The following CNTNAP1 variants were observed in gnomAD, a reference collection of about 807,000 sequenced individuals.
CNTNAP1 encodes the protein contactin associated protein 1, also known as contactin-associated protein 1.
Under a neutral mutation model 161.5 loss-of-function variants are expected in CNTNAP1, and 80 were observed. That is an observed-to-expected ratio of 0.50 (90% CI 0.41 to 0.60). CNTNAP1 has a LOEUF of 0.60. CNTNAP1 is among the 20% of genes least tolerant of loss of function. CNTNAP1 has a pLI of 0.00. For missense variants in CNTNAP1, 1,464 were observed against 1,854.8 expected (o/e 0.79, Z 3.87); for synonymous variants, 695 against 733.1 (o/e 0.95, Z 0.84).
In CNTNAP1 at chr17:42,685,177, G is replaced by A. The variant is rs1468462657; in HGVS notation, c.511+39G>A. On this transcript the variant is annotated intron_variant, in intron 4 of 23. Transcript: ENST00000264638. This position sits in a 1 kb window ranked among gnomAD's most constrained non-coding sequence, Gnocchi z 5.0. ...GAGCGCGGAGGGGGCCTGGGAGACA[G>A]CCTCCCCAGTTCCCGGCCCACCTAC... 6.2e-7 allele frequency: 1 copy of A among 1,610,344 alleles called. No individual in the cohort carries two copies. Among genetic ancestry groups the A allele is most frequent in the Non-Finnish European group, 8.5e-7 (1 of 1,178,012 alleles).
In CNTNAP1 at chr17:42,685,525, C is replaced by A. The variant is rs1597804331; in HGVS notation, c.715+105C>A. On this transcript the variant is annotated intron_variant, in intron 5 of 23. Coordinates refer to ENST00000264638, the MANE Select transcript of CNTNAP1 (RefSeq NM_003632.3). This position sits in a 1 kb window ranked among gnomAD's most constrained non-coding sequence, Gnocchi z 5.0. ...CATCCGCGCTCAGCCTGGTCTTCCACTTCTCTAAGGCCTGGACCAAACTGC... is the reference window on the plus strand; with the variant it reads ...CATCCGCGCTCAGCCTGGTCTTCCAATTCTCTAAGGCCTGGACCAAACTGC... The A allele has an allele frequency of 3.6e-6, 4 of 1,123,630 alleles. No homozygotes were observed. The highest frequency in any genetic ancestry group is 3.8e-6 in the Non-Finnish European group (3 of 790,646). 69.6% of individuals were successfully genotyped at this position (1,123,630 alleles called of 1,614,324 possible).
chr17:42,686,111 A>G lies in CNTNAP1; in HGVS notation c.870A>G (p.Gly290=). 6.2e-7 allele frequency: 1 copy of G among 1,614,152 alleles called. No individual in the cohort carries two copies. Among genetic ancestry groups the G allele is most frequent in the Non-Finnish European group, 8.5e-7 (1 of 1,180,036 alleles). ...ATGTGCAGCGCTTTATTCTCAATGG[A>G]GACTTCGAGAGGCTGAACCTGGACA... The part of the protein sequence containing the change: ...DGYVQRFILN[G]DFERLNLDTE... The change falls in exon 6 of 24, where the codon GGA becomes GGG. Residue 290 remains glycine (G), a synonymous_variant. Transcript: ENST00000264638.
At chr17:42,690,546 T>C (rs1413780524) in intron 12 of CNTNAP1, among the ~76,000 whole-genome samples, 193 bp from the exon 13 acceptor site, 1 of 143,264 alleles carries the variant, frequency 7.0e-6, no homozygotes, top group Non-Finnish European at 1.5e-5. Context: ...AAAAAAAGTA[T>C]ATCCCAGCTT....
Position 42,684,043 on chromosome 17 carries a change from CG to C in CNTNAP1, c.180del (p.Trp61GlyfsTer14), listed in dbSNP as rs772210623. On this transcript the variant is annotated frameshift_variant, in exon 3 of 24. Transcript: ENST00000264638. LOFTEE classifies it high-confidence loss of function. ...CTCCTGTCCTTTCTATAGGCATAAG[CG>C]GGTGGTCACCACGGATTGGGGATCC... is the stretch of plus-strand genomic sequence containing the variant. ...PRFARLHGIS[G>X]WSPRIGDPNP... is the part of the protein sequence containing the mutation. 1 of 1,613,950 alleles carries C rather than the reference CG, an allele frequency of 6.2e-7. No homozygotes were observed. Among genetic ancestry groups the C allele is most frequent in the Non-Finnish European group, 8.5e-7 (1 of 1,179,974 alleles).
chr17:42,691,609 C>A lies in CNTNAP1; in HGVS notation c.2344+98C>A. On this transcript the variant is annotated intron_variant, in intron 15 of 23. Coordinates refer to ENST00000264638, the MANE Select transcript of CNTNAP1 (RefSeq NM_003632.3). The surrounding 1 kb of genome is among the most constrained non-coding windows in gnomAD (Gnocchi z 4.3). ...ACTGGTGGTCTCTAGCTGGGGTGCC[C>A]GACCCCCAGCTCCTGCTGTGATGCG... 6.6e-7 allele frequency: 1 copy of A among 1,521,396 alleles called. No homozygotes were observed. Among genetic ancestry groups the A allele is most frequent in the Non-Finnish European group, 9.0e-7 (1 of 1,116,484 alleles). The allele number at this position is 1,521,396 out of a possible 1,614,324, so 94.2% of individuals were successfully genotyped here. A position where few individuals can be genotyped will look rare whatever the true frequency, so the allele number is the denominator to read the frequency against.
In CNTNAP1 at chr17:42,693,379, C is replaced by A. The variant is rs1452116332; in HGVS notation, c.2835C>A (p.Gly945=). 1 of 1,614,204 alleles carries A rather than the reference C, an allele frequency of 6.2e-7. No homozygotes were observed. The change falls in exon 18 of 24, where the codon GGC becomes GGA. Residue 945 remains glycine (G), a synonymous_variant. Transcript: ENST00000264638. Reference sequence around the variant, plus strand: ...ACGGAGTGACTCTGAACCTGGAGGGCCGTGCCAATGCCTCTGAGGGTACCT... The same window carrying A: ...ACGGAGTGACTCTGAACCTGGAGGGACGTGCCAATGCCTCTGAGGGTACCT... The part of the protein sequence containing the change: ...RLNGVTLNLE[G]RANASEGTSP...
chr17:42,683,588 G>C, intron 1 of CNTNAP1: 1 of 1,393,444 alleles, frequency 7.2e-7, no homozygotes, highest in Non-Finnish European at 9.3e-7. Flanking sequence ...GTCTGGCCTT[G>C]GGCCTATAGG....
At position 42,691,145 on chromosome 17, in the gene CNTNAP1, C is replaced by G; in HGVS notation, c.2068C>G (p.Pro690Ala). Residue 690 changes from proline (P) to alanine (A), a missense_variant, in exon 14 of 24, where the codon CCC (proline) becomes GCC (alanine). Around this residue, in one of 3 missense-constraint regions of CNTNAP1, gnomAD observed 1,383 missense variants for 1,765.0 expected, o/e 0.78. Transcript: ENST00000264638. This position sits in a 1 kb window ranked among gnomAD's most constrained non-coding sequence, Gnocchi z 4.3. The stretch of plus-strand genomic sequence containing the variant: ...CTGCACCTCTTCCCCAGGAGGCTAC[C>G]CCTACAGCTTTTGGATTGGCCGAAA... ...SRLLNTAGGY[P>A]YSFWIGRNEE... 3 of 1,613,974 alleles carry G rather than the reference C, an allele frequency of 1.9e-6. No individual in the cohort carries two copies. The highest frequency in any genetic ancestry group is 2.5e-6 in the Non-Finnish European group (3 of 1,179,950).
chr17:42,696,225 C>T, intron 20 of CNTNAP1, 73 bp downstream of exon 20: 1 of 1,560,112 alleles, frequency 6.4e-7, no homozygotes, highest in Non-Finnish European at 8.8e-7. Flanking sequence ...AGGAAAACAT[C>T]AAATACTTAA....
Position 42,684,179 on chromosome 17 carries a change from G to A in CNTNAP1, c.313G>A (p.Gly105Ser), listed in dbSNP as rs767706478. Residue 105 changes from glycine to serine, a missense_variant, in exon 3 of 24, where the codon GGC (glycine) becomes AGC (serine). By Grantham distance (56) the Gly-to-Ser change is moderately conservative. Around this residue, in one of 3 missense-constraint regions of CNTNAP1, gnomAD observed 1,383 missense variants for 1,765.0 expected, o/e 0.78. Transcript: ENST00000264638. ...GGTCACACGTTACATGCTACTCTACGGCGACCGAGTGGACAGCTGGACACC... is the reference window on the plus strand; with the variant it reads ...GGTCACACGTTACATGCTACTCTACAGCGACCGAGTGGACAGCTGGACACC... ...DWVTRYMLLY[G>S]DRVDSWTPFY... The A allele has an allele frequency of 1.2e-6, 2 of 1,614,100 alleles. No homozygotes were observed. Among genetic ancestry groups the A allele is most frequent in the Admixed American group, 1.7e-5 (1 of 60,014 alleles).
Position 42,686,883 on chromosome 17 carries a change from A to G in CNTNAP1, c.901-20A>G. ...CGCCCTCCTGTGCCCAAGAGGCCTC[A>G]TTCCCCACGCCTCCCGCAGATGTTC... is the stretch of plus-strand genomic sequence containing the variant. On this transcript the variant is annotated intron_variant, in intron 6 of 23. Coordinates refer to ENST00000264638, the MANE Select transcript of CNTNAP1 (RefSeq NM_003632.3). The G allele has an allele frequency of 1.3e-6, 2 of 1,585,290 alleles. No homozygotes were observed. Among genetic ancestry groups the G allele is most frequent in the Non-Finnish European group, 1.7e-6 (2 of 1,159,140 alleles).
In CNTNAP1 at chr17:42,682,825, C is replaced by T. The variant is rs369939506; in HGVS notation, c.-5C>T. The T allele has an allele frequency of 6.4e-7, 1 of 1,571,996 alleles. No homozygotes were observed. Among genetic ancestry groups the T allele is most frequent in the African/African-American group, 1.4e-5 (1 of 73,992 alleles). On this transcript the variant is annotated 5_prime_UTR_variant, in exon 1 of 24. Coordinates refer to ENST00000264638, the MANE Select transcript of CNTNAP1 (RefSeq NM_003632.3). ...GGAGGCGGCTGCCGGGACCGTCAGC[C>T]CTGCATGATGCATCTCCGGCTCTTC... is the stretch of plus-strand genomic sequence containing the variant.
intron 16 of CNTNAP1, among the ~76,000 whole-genome samples, 159 bp downstream of exon 16, chr17:42,692,150 G>A (rs925255775): frequency 6.6e-6 from 1 of 152,192 alleles, no homozygotes; most frequent in Non-Finnish European, 1.5e-5. Context: ...CGGTCTTGAC[G>A]GCTGGCTGGG....
Position 42,691,461 on chromosome 17 carries a change from C to T in CNTNAP1, c.2294C>T (p.Ser765Phe). The T allele has an allele frequency of 6.2e-7, 1 of 1,614,094 alleles. No homozygotes were observed. Among genetic ancestry groups the T allele is most frequent in the Non-Finnish European group, 8.5e-7 (1 of 1,180,004 alleles). The stretch of plus-strand genomic sequence containing the variant: ...GTAGTGATAGGGGATACGAACCGCT[C>T]CACTTCTGAGGCCCAGTTCTTCCTG... ...TQVVIGDTNRSTSEAQFFLRP... is the reference protein window; with the variant it reads ...TQVVIGDTNRFTSEAQFFLRP... Residue 765 changes from serine (S) to phenylalanine (F), a missense_variant, in exon 15 of 24, where the codon TCC (serine) becomes TTC (phenylalanine). Physicochemically the swap from Ser to Phe is radical, Grantham distance 155. Around this residue, in one of 3 missense-constraint regions of CNTNAP1, gnomAD observed 1,383 missense variants for 1,765.0 expected, o/e 0.78. Transcript: ENST00000264638. This position sits in a 1 kb window ranked among gnomAD's most constrained non-coding sequence, Gnocchi z 4.3.
intron 8 of CNTNAP1, 63 bp from the exon 9 acceptor site, chr17:42,688,399 A>G: frequency 6.2e-7 from 1 of 1,608,992 alleles, no homozygotes; most frequent in Non-Finnish European, 8.5e-7. Context: ...TTCCCCACTC[A>G]GAACATTCTT....
At chr17:42,683,043 C>G in intron 1 of CNTNAP1, 147 bp downstream of exon 1, 1 of 772,862 alleles carries the variant, frequency 1.3e-6, no homozygotes, top group African/African-American at 1.8e-5. Flanking sequence ...TGCCTCTCCC[C>G]CGCGCTCCGC....
intron 20 of CNTNAP1, among the ~76,000 whole-genome samples, chr17:42,696,599 A>AAGCGTG (rs1195546771): frequency 6.6e-6 from 1 of 152,142 alleles, no homozygotes; most frequent in Non-Finnish European, 1.5e-5. Flanking sequence ...CTGGGATTAT[A>AAGCGTG]AGCGTGAGCC....
chr17:42,683,559 A>C, intron 1 of CNTNAP1: 4 of 1,326,102 alleles, frequency 3.0e-6, no homozygotes, highest in Admixed American at 3.4e-5. Flanking sequence ...CAGGGCAGGT[A>C]TTGGGCTAGC....
Position 42,685,161 on chromosome 17 carries a change from G to A in CNTNAP1, c.511+23G>A. 1 of 1,608,038 alleles carries A rather than the reference G, an allele frequency of 6.2e-7. No homozygotes were observed. Among genetic ancestry groups the A allele is most frequent in the Non-Finnish European group, 8.5e-7 (1 of 1,176,566 alleles). The stretch of plus-strand genomic sequence containing the variant: ...ACAGTAAGTGTGCAGAGAGCGCGGA[G>A]GGGGCCTGGGAGACAGCCTCCCCAG... On this transcript the variant is annotated intron_variant, in intron 4 of 23. Transcript: ENST00000264638. This position sits in a 1 kb window ranked among gnomAD's most constrained non-coding sequence, Gnocchi z 5.0.
Sources: allele counts gnomAD v4.1 joint callset (sites outside exome capture counted in the v4.1 genomes callset), GRCh38; gene constraint gnomAD v4.1.1; regional missense constraint gnomAD v4.1.1; non-coding constraint Gnocchi (gnomAD v3.1); transcripts MANE v1.5; gene names NCBI Gene and HGNC (gene_info 2026-07-23, HGNC 2026-07-21).